The following RHOU variants were observed in gnomAD, a reference collection of about 807,000 sequenced individuals.
RHOU encodes the protein ras homolog family member U.
RHOU carries 8 observed loss-of-function variants against 12.6 expected under a neutral mutation model. That is an observed-to-expected ratio of 0.64 (90% confidence interval 0.37 to 1.15). RHOU has a LOEUF of 1.15. RHOU is among the 50% of genes most tolerant of loss of function. The pLI, the probability that RHOU is intolerant of heterozygous loss-of-function variation, is 0.01. For missense variants in RHOU, 258 were observed against 347.0 expected, an observed-to-expected ratio of 0.74 and a Z score of 2.04; for synonymous variants, 161 against 147.4, an observed-to-expected ratio of 1.09 and a Z score of -0.67.
the RHOU span, chr1:228,650,791 T>G: frequency 1.9e-5 from 8 of 426,480 alleles, no homozygotes; most frequent in East Asian, 5.1e-4. Context: ...ACCTTGGAGG[T>G]GCCTACCATG....
chr1:228,689,225 C>A, the RHOU span, among the ~76,000 whole-genome samples: 66,166 of 151,884 alleles, frequency 0.44, 17,416 homozygotes, highest in African/African-American at 0.76. Flanking sequence ...TTGTCAGACC[C>A]AACCCTCGAA....
At chr1:228,725,238 A>G in the RHOU span, among the ~76,000 whole-genome samples, 1 of 152,228 alleles carries the variant, frequency 6.6e-6, no homozygotes, top group Non-Finnish European at 1.5e-5. Flanking sequence ...TTCAAAATTT[A>G]CAGGAACTTG....
the RHOU span, among the ~76,000 whole-genome samples, chr1:228,680,333 G>T: frequency 3.3e-5 from 5 of 152,174 alleles, no homozygotes; most frequent in Non-Finnish European, 7.4e-5. Context: ...CACAGACAGG[G>T]CACGGCTCAG....
At position 228,743,763 on chromosome 1, in the gene RHOU, G is replaced by A. The variant is rs1662772243; in HGVS notation, c.*23G>A. On this transcript the variant is annotated 3_prime_UTR_variant, in exon 3 of 3. Transcript: ENST00000366691. This position sits in a 1 kb window ranked among gnomAD's most constrained non-coding sequence, Gnocchi z 5.1. Reference sequence around the variant, plus strand: ...TGATGCTGGCAAGACACCCAGAAAGGCTATTTTCAGATGAAATCGATATTA... The same window carrying A: ...TGATGCTGGCAAGACACCCAGAAAGACTATTTTCAGATGAAATCGATATTA... 3 of 1,583,910 alleles carry A rather than the reference G, an allele frequency of 1.9e-6. No homozygotes were observed. The highest frequency in any genetic ancestry group is 2.3e-5 in the South Asian group (2 of 86,954).
At chr1:228,650,801 G>A in the RHOU span, 1 of 425,438 alleles carries the variant, frequency 2.4e-6, no homozygotes, top group East Asian at 6.4e-5. Context: ...TGCCTACCAT[G>A]CATCCAAGTG....
chr1:228,680,327 G>C, the RHOU span, among the ~76,000 whole-genome samples: 3 of 152,304 alleles, frequency 2.0e-5, no homozygotes, highest in South Asian at 6.2e-4. Context: ...GGCCTGCACA[G>C]ACAGGGCACG....
At chr1:228,661,174 C>T in the RHOU span, among the ~76,000 whole-genome samples, 2 of 151,940 alleles carry the variant, frequency 1.3e-5, no homozygotes, top group East Asian at 1.9e-4. Context: ...TACTGCTCAA[C>T]AAAATAAAGG....
chr1:228,673,071 G>C, the RHOU span, among the ~76,000 whole-genome samples: 3 of 151,982 alleles, frequency 2.0e-5, no homozygotes, highest in Admixed American at 2.0e-4. Context: ...TGAAATATAC[G>C]TGCCCCAAAT....
the RHOU span, among the ~76,000 whole-genome samples, chr1:228,670,467 G>C: frequency 6.6e-6 from 1 of 152,190 alleles, no homozygotes; most frequent in Non-Finnish European, 1.5e-5. Flanking sequence ...AAATAAAACT[G>C]AAGAGTGAAC....
chr1:228,691,236 A>C, the RHOU span, among the ~76,000 whole-genome samples: 1 of 152,138 alleles, frequency 6.6e-6, no homozygotes, highest in Admixed American at 6.5e-5. Flanking sequence ...TACAATCAAT[A>C]AATCTATATT....
chr1:228,711,384 C>T, the RHOU span, among the ~76,000 whole-genome samples: 3 of 152,120 alleles, frequency 2.0e-5, no homozygotes, highest in South Asian at 2.1e-4. Context: ...AAGCTGGAGG[C>T]GTCACACTAC....
At chr1:228,726,431 C>T in the RHOU span, among the ~76,000 whole-genome samples, 1 of 152,028 alleles carries the variant, frequency 6.6e-6, no homozygotes, top group Non-Finnish European at 1.5e-5. Context: ...TTTGGGAGGC[C>T]GAGGCAGGTG....
At chr1:228,713,696 T>C in the RHOU span, among the ~76,000 whole-genome samples, 1 of 152,124 alleles carries the variant, frequency 6.6e-6, no homozygotes, top group Admixed American at 6.5e-5. Flanking sequence ...TCTAGCAAAT[T>C]AATCAAACCC....
In RHOU at chr1:228,745,726, CTG is replaced by C. The variant is rs1338567981; in HGVS notation, c.*1989_*1990del. 1 of 152,240 alleles carries C rather than the reference CTG, an allele frequency of 6.6e-6. No individual in the cohort carries two copies. The highest frequency in any genetic ancestry group is 2.4e-5 in the African/African-American group (1 of 41,452). 9.4% of individuals were successfully genotyped at this position (152,240 alleles called of 1,614,324 possible). A position where few individuals can be genotyped will look rare whatever the true frequency, so the allele number is the denominator to read the frequency against. On this transcript the variant is annotated 3_prime_UTR_variant, in exon 3 of 3. Transcript: ENST00000366691. ...ATCTTGCCGCGCCTGGCTTACCTATCTGTGGAAAGCTAGGCTTCCCAGGCTGG... is the reference window on the plus strand; with the variant it reads ...ATCTTGCCGCGCCTGGCTTACCTATCTGGAAAGCTAGGCTTCCCAGGCTGG...
At chr1:228,731,160 A>C (rs1662488658), upstream of RHOU, among the ~76,000 whole-genome samples, 1 of 152,190 alleles carries the variant, frequency 6.6e-6, no homozygotes, top group Non-Finnish European at 1.5e-5. Context: ...CCTCCCTTTT[A>C]GGGGATTATG....
the RHOU span, among the ~76,000 whole-genome samples, chr1:228,714,836 C>T: frequency 2.4e-4 from 36 of 149,936 alleles, no homozygotes; most frequent in South Asian, 1.1e-3. Flanking sequence ...CTCCGCCTCC[C>T]GGGTTCAAGC....
the RHOU span, among the ~76,000 whole-genome samples, chr1:228,717,839 C>T: frequency 3.3e-5 from 5 of 152,244 alleles, no homozygotes; most frequent in South Asian, 1.0e-3. Context: ...ATGAATCCAG[C>T]CAGTCATTTA....
intron 1 of RHOU, among the ~76,000 whole-genome samples, chr1:228,736,260 CA>C (rs1204392489): frequency 0.028 from 1,987 of 70,794 alleles, 10 homozygotes; most frequent in African/African-American, 0.081. Context: ...AGAGCCTTGC[CA>C]AAAAAAAAAA....
chr1:228,687,644 T>C, the RHOU span: 3 of 1,553,176 alleles, frequency 1.9e-6, no homozygotes, highest in Non-Finnish European at 2.6e-6. Flanking sequence ...AACTGGCCAC[T>C]GACAAAAATG....
Sources: gnomAD v4.1 joint callset for allele counts (sites outside exome capture counted in the v4.1 genomes callset) on GRCh38, gnomAD v4.1.1 for gene constraint, Gnocchi (gnomAD v3.1) non-coding constraint, MANE v1.5 for transcripts, NCBI Gene and HGNC (gene_info 2026-07-23, HGNC 2026-07-21) for gene names.